The following RASSF2 variants were observed in gnomAD, a reference collection of about 807,000 sequenced individuals.
The protein encoded by RASSF2 is ras association domain-containing protein 2.
Under a neutral mutation model 46.3 loss-of-function variants are expected in RASSF2, and 34 were observed. That is an observed-to-expected ratio of 0.73 (90% CI 0.56 to 0.98). RASSF2 has a LOEUF of 0.98. Among genes scored for constraint, RASSF2 ranks in the 50% least tolerant of loss-of-function variants. The pLI is 0.00. For synonymous variants in RASSF2, 158 were observed against 162.5 expected, an observed-to-expected ratio of 0.97 and a Z score of 0.21; for missense variants, 364 against 431.2, an observed-to-expected ratio of 0.84 and a Z score of 1.38.
Position 4,786,223 on chromosome 20 carries a change from A to G in RASSF2, c.911+8T>C. 6.3e-7 allele frequency: 1 copy of G among 1,599,626 alleles called. No homozygotes were observed. The highest frequency in any genetic ancestry group is 8.6e-7 in the Non-Finnish European group (1 of 1,166,916). The stretch of plus-strand genomic sequence containing the variant: ...AAGTGCACCCAGTGCCCCAGAAGCC[A>G]CACTTACTTGCGCATCAGCTTCTTT... On this transcript the variant is annotated splice_region_variant and intron_variant, in intron 11 of 11. Coordinates refer to ENST00000379400, the MANE Select transcript of RASSF2 (RefSeq NM_014737.3).
intron 3 of RASSF2, among the ~76,000 whole-genome samples, chr20:4,799,152 C>CTT: frequency 6.6e-6 from 1 of 152,118 alleles, no homozygotes; most frequent in East Asian, 1.9e-4. Flanking sequence ...CCTGGCAATA[C>CTT]TTTTTCAGTT....
rs776698392 is a variant in RASSF2, at chr20:4,795,818, T to G, written c.284A>C (p.Gln95Pro). 5.0e-6 allele frequency: 8 copies of G among 1,609,926 alleles called. No homozygotes were observed. The highest frequency in any genetic ancestry group is 6.8e-6 in the Non-Finnish European group (8 of 1,177,588). Residue 95 changes from glutamine (Q) to proline (P), a missense_variant, in exon 5 of 12, where the codon CAG becomes CCG. Coordinates refer to ENST00000379400, the MANE Select transcript of RASSF2 (RefSeq NM_014737.3). This position sits in a 1 kb window ranked among gnomAD's most constrained non-coding sequence, Gnocchi z 4.0. The stretch of plus-strand genomic sequence containing the variant: ...TGCCCCGTCTCTCCTCACTCACCCC[T>G]GAGCCCCCAGGTTACAGCCAGAGTG... ...SWHSGCNLGA[Q>P]GTTLKPLTVP... is the part of the protein sequence containing the mutation.
At position 4,805,383 on chromosome 20, in the gene RASSF2, G is replaced by A. The variant is rs562817644; in HGVS notation, c.-32-4321C>T. On this transcript the variant is annotated intron_variant, in intron 2 of 11. Coordinates refer to ENST00000379400, the MANE Select transcript of RASSF2 (RefSeq NM_014737.3). ...GGACGAAGATGGAGGAAGGGGCCAT[G>A]AACCTTGAAGGCAGCTCACAAGCTG... 4.3e-4 allele frequency among the ~76,000 whole-genome samples: 66 copies of A among 152,222 alleles called. No homozygotes were observed. The South Asian group carries it at 4.6e-3, about 11-fold the overall frequency.
chr20:4,801,162 G>A, intron 2 of RASSF2, 100 bp from the exon 3 acceptor site: 5 of 810,158 alleles, frequency 6.2e-6, no homozygotes, highest in Non-Finnish European at 2.1e-6. Context: ...GGACGCCATG[G>A]CTCTCCGTTC....
intron 2 of RASSF2, among the ~76,000 whole-genome samples, chr20:4,808,384 G>A (rs147488128): frequency 6.6e-6 from 1 of 151,958 alleles, no homozygotes; most frequent in Non-Finnish European, 1.5e-5. Context: ...ACATCAGCCA[G>A]CATCTAGGCA....
At chr20:4,814,658 C>T (rs562972584) in intron 2 of RASSF2, among the ~76,000 whole-genome samples, 9 of 152,270 alleles carry the variant, frequency 5.9e-5, no homozygotes, top group South Asian at 2.1e-4. Context: ...GTGGTCGGGG[C>T]GGCAGTCATT....
Position 4,784,227 on chromosome 20 carries a change from G to C in RASSF2, c.*46C>G. ...TGCCTAGCTTCCTGGGGGTCTTATG[G>C]GCAATGGCGGTTCCTGGGGTGCCCA... On this transcript the variant is annotated 3_prime_UTR_variant, in exon 12 of 12. Transcript: ENST00000379400. 6.4e-7 allele frequency: 1 copy of C among 1,553,998 alleles called. No homozygotes were observed. Among genetic ancestry groups the C allele is most frequent in the Non-Finnish European group, 8.9e-7 (1 of 1,125,362 alleles).
intron 3 of RASSF2, among the ~76,000 whole-genome samples, chr20:4,798,719 A>G (rs201955495): frequency 3.5e-5 from 5 of 143,966 alleles, no homozygotes; most frequent in Admixed American, 7.0e-5. Flanking sequence ...CCAGCTACTC[A>G]GGAGGCTGAG....
In RASSF2 at chr20:4,790,103, G is replaced by A. The variant is rs931490437; in HGVS notation, c.537+348C>T. Among the ~76,000 whole-genome samples the A allele has an allele frequency of 6.6e-6, 1 of 152,168 alleles. No individual in the cohort carries two copies. Among genetic ancestry groups the A allele is most frequent in the African/African-American group, 2.4e-5 (1 of 41,438 alleles). On this transcript the variant is annotated intron_variant, in intron 7 of 11. Coordinates refer to ENST00000379400, the MANE Select transcript of RASSF2 (RefSeq NM_014737.3). This position sits in a 1 kb window ranked among gnomAD's most constrained non-coding sequence, Gnocchi z 4.3. ...AAAGCCAGACCATACACCAGCTGGG[G>A]GCACAGTGTGCAGGAAGAGGGTAAC...
chr20:4,786,395 G>T, intron 10 of RASSF2, 67 bp from the exon 11 acceptor site: 1 of 1,316,152 alleles, frequency 7.6e-7, no homozygotes, highest in Non-Finnish European at 1.1e-6. Flanking sequence ...TTTCAGGGTT[G>T]TCCTTATACA....
intron 2 of RASSF2, among the ~76,000 whole-genome samples, chr20:4,808,591 ATT>A (rs1482505198): frequency 2.7e-5 from 4 of 148,860 alleles, no homozygotes; most frequent in Non-Finnish European, 5.9e-5. Flanking sequence ...GGCTCAAGTG[ATT>A]CTCTCACCTC....
rs1013134212 is a variant in RASSF2, at chr20:4,786,840, T to G, written c.814-512A>C. On this transcript the variant is annotated intron_variant, in intron 10 of 11. Coordinates refer to ENST00000379400, the MANE Select transcript of RASSF2 (RefSeq NM_014737.3). ...GGTTCATGCCTGTAATCCCGGCACT[T>G]TGGGAGGCTGAGGCGGGCGGATCAC... Among the ~76,000 whole-genome samples, 17 of 151,982 alleles carry G rather than the reference T, an allele frequency of 1.1e-4. 1 individual carries two copies. In the East Asian group the frequency reaches 3.3e-3, roughly 29 times the overall value.
At chr20:4,816,699 C>G (rs1322461279) in intron 2 of RASSF2, among the ~76,000 whole-genome samples, 2 of 152,118 alleles carry the variant, frequency 1.3e-5, no homozygotes, top group African/African-American at 4.8e-5. Context: ...TCTCGCAAAC[C>G]TCCACCACCC....
At chr20:4,806,345 C>T (rs1927340632) in intron 2 of RASSF2, among the ~76,000 whole-genome samples, 1 of 152,240 alleles carries the variant, frequency 6.6e-6, no homozygotes, top group African/African-American at 2.4e-5. Context: ...TGAACGGTGC[C>T]TGCTGTCGGC....
rs3833324 is a variant in RASSF2, at chr20:4,781,231, T to TG, written c.*3041dup. 0.56 allele frequency: 84,908 copies of TG among 151,378 alleles called. 24,578 individuals are homozygous for TG. Among genetic ancestry groups the TG allele is most frequent in the East Asian group, 0.63 (3,238 of 5,120 alleles). The allele number at this position is 151,378 out of a possible 1,614,324, so 9.4% of individuals were successfully genotyped here. On this transcript the variant is annotated 3_prime_UTR_variant, in exon 12 of 12. Transcript: ENST00000379400. ...TTTTTTGCATGGAAAACAGATATTT[T>TG]GGGGGGGGCATTATATGCTACCGAT...
intron 3 of RASSF2, among the ~76,000 whole-genome samples, chr20:4,800,638 A>G (rs1601109735): frequency 6.6e-6 from 1 of 152,280 alleles, no homozygotes. Flanking sequence ...TGGGGGAGAC[A>G]CAAACATTCA....
chr20:4,788,295 T>G, intron 8 of RASSF2, 27 bp from the exon 9 acceptor site: 1 of 1,589,344 alleles, frequency 6.3e-7, no homozygotes, highest in Non-Finnish European at 8.6e-7. Context: ...AGATTCTTGT[T>G]GAAAGTTTCT....
At position 4,788,002 on chromosome 20, in the gene RASSF2, C is replaced by G. The variant is rs75689618; in HGVS notation, c.691+215G>C. On this transcript the variant is annotated intron_variant, in intron 9 of 11. Coordinates refer to ENST00000379400, the MANE Select transcript of RASSF2 (RefSeq NM_014737.3). ...TCTGTCTCTTAAGAAAATCTAGTTCCTCTTTTAATAGGCAGTTAGGTTTAG... is the reference window on the plus strand; with the variant it reads ...TCTGTCTCTTAAGAAAATCTAGTTCGTCTTTTAATAGGCAGTTAGGTTTAG... Among the ~76,000 whole-genome samples, 19 of 152,170 alleles carry G rather than the reference C, an allele frequency of 1.2e-4. No homozygotes were observed. In the East Asian group the frequency reaches 3.7e-3, roughly 29 times the overall value.
intron 8 of RASSF2, among the ~76,000 whole-genome samples, chr20:4,788,803 T>C (rs1449632805): frequency 3.3e-5 from 5 of 152,354 alleles, no homozygotes; most frequent in East Asian, 3.9e-4. Flanking sequence ...ACGACTAGGA[T>C]AGATAACAGC....
Sources: gnomAD v4.1 joint callset for allele counts (sites outside exome capture counted in the v4.1 genomes callset) on GRCh38, gnomAD v4.1.1 for gene constraint, Gnocchi (gnomAD v3.1) non-coding constraint, MANE v1.5 for transcripts, NCBI Gene and HGNC (gene_info 2026-07-23, HGNC 2026-07-21) for gene names.